Variants in SIK3 observed in about 807,000 individuals in gnomAD.
SIK3 encodes the protein SIK family kinase 3, also known as serine/threonine-protein kinase SIK3.
A neutral mutation model predicts 144.2 loss-of-function variants in SIK3; 28 were observed. The ratio of observed to expected loss-of-function variants is 0.19; its 90% CI spans 0.14 to 0.27. The LOEUF (loss-of-function observed/expected upper bound fraction) is 0.27, where lower values mean the gene tolerates loss of function less well. SIK3 is among the 10% of genes least tolerant of loss of function. The probability of loss-of-function intolerance (pLI) is 1.00; values close to 1 mark genes in which losing one functional copy is unlikely to be tolerated. For missense variants in SIK3, 1,319 were observed against 1,776.0 expected, an observed-to-expected ratio of 0.74 and a Z score of 4.62; for synonymous variants, 686 against 676.3, an observed-to-expected ratio of 1.01 and a Z score of -0.22.
intron 1 of SIK3, among the ~76,000 whole-genome samples, chr11:116,960,418 C>T (rs935104786): frequency 6.6e-6 from 1 of 152,054 alleles, no homozygotes; most frequent in Non-Finnish European, 1.5e-5. Flanking sequence ...CCCAGTTACT[C>T]AGGAAGCTGA....
chr11:116,967,503 TAACAC>T (rs1949601376), intron 1 of SIK3, among the ~76,000 whole-genome samples: 1 of 152,206 alleles, frequency 6.6e-6, no homozygotes, highest in Non-Finnish European at 1.5e-5. Flanking sequence ...CAAGGACTAA[TAACAC>T]AGTCTGCGTG....
intron 1 of SIK3, among the ~76,000 whole-genome samples, chr11:116,988,297 A>G (rs1950388945): frequency 6.6e-6 from 1 of 151,942 alleles, no homozygotes; most frequent in African/African-American, 2.4e-5. Flanking sequence ...AAGGCAGGAG[A>G]ATGGCGTGAA....
At chr11:117,090,666 T>C (rs550042102) in intron 1 of SIK3, among the ~76,000 whole-genome samples, 1 of 152,362 alleles carries the variant, frequency 6.6e-6, no homozygotes, top group East Asian at 1.9e-4. Context: ...AGACTACTTT[T>C]ACGGTCATTG....
At chr11:116,984,659 T>A (rs1243987651) in intron 1 of SIK3, among the ~76,000 whole-genome samples, 1 of 152,026 alleles carries the variant, frequency 6.6e-6, no homozygotes, top group Non-Finnish European at 1.5e-5. Flanking sequence ...CTAAGATTGA[T>A]TGTTGAGTTT....
chr11:117,051,313 C>G (rs1383705371), intron 1 of SIK3, among the ~76,000 whole-genome samples: 1 of 152,108 alleles, frequency 6.6e-6, no homozygotes, highest in South Asian at 2.1e-4. Context: ...CAGACTCCAA[C>G]TTAATTACAC....
In SIK3 at chr11:116,846,920, C is replaced by CT. The variant is rs1464855716; in HGVS notation, c.3953-368dup. Among the ~76,000 whole-genome samples, 1 of 152,254 alleles carries CT rather than the reference C, an allele frequency of 6.6e-6. No homozygotes were observed. Among genetic ancestry groups the CT allele is most frequent in the Non-Finnish European group, 1.5e-5 (1 of 68,042 alleles). On this transcript the variant is annotated intron_variant, in intron 23 of 24. Transcript: ENST00000445177. This position sits in a 1 kb window ranked among gnomAD's most constrained non-coding sequence, Gnocchi z 4.1. ...GCAGGCACCCATTCCTGGGCACTGT[C>CT]TGTCTTCCAGACACTGTGCTAAGCA...
intron 1 of SIK3, among the ~76,000 whole-genome samples, chr11:117,050,424 G>A (rs1212798082): frequency 6.6e-6 from 1 of 152,156 alleles, no homozygotes; most frequent in African/African-American, 2.4e-5. Context: ...GGTGGCTCAT[G>A]CCTGTAATCC....
At position 116,976,386 on chromosome 11, in the gene SIK3, T is replaced by C. The variant is rs186186004; in HGVS notation, c.274-19322A>G. ...ACTCTTAGAGAGTTTTGTGGTCCAC[T>C]TGAAGTTAATTTTTGCATATGGTAT... On this transcript the variant is annotated intron_variant, in intron 1 of 24. Coordinates refer to ENST00000445177, the MANE Select transcript of SIK3 (RefSeq NM_001366686.3). Among the ~76,000 whole-genome samples the C allele has an allele frequency of 5.3e-5, 8 of 152,354 alleles. No individual in the cohort carries two copies. The East Asian group carries it at 1.2e-3, about 22-fold the overall frequency.
At chr11:116,961,406 T>C (rs1031934013) in intron 1 of SIK3, among the ~76,000 whole-genome samples, 4 of 152,238 alleles carry the variant, frequency 2.6e-5, no homozygotes, top group South Asian at 2.1e-4. Context: ...ACAGGTATGA[T>C]TGTTTTGAGA....
chr11:116,893,823 C>T (rs1325686755), intron 6 of SIK3: 1 of 155,958 alleles, frequency 6.4e-6, no homozygotes, highest in Non-Finnish European at 1.5e-5. Flanking sequence ...CAGAGCAATA[C>T]TGGACCACTT....
chr11:117,041,609 G>C (rs1009872963), intron 1 of SIK3, among the ~76,000 whole-genome samples: 1 of 152,078 alleles, frequency 6.6e-6, no homozygotes, highest in Admixed American at 6.5e-5. Context: ...AGATGAGATG[G>C]GAGATGTCTT....
At chr11:116,901,498 C>T (rs949715523) in intron 4 of SIK3, among the ~76,000 whole-genome samples, 6 of 152,278 alleles carry the variant, frequency 3.9e-5, no homozygotes, top group South Asian at 2.1e-4. Context: ...ATTATAGCTT[C>T]TTCTATGAGA....
intron 3 of SIK3, among the ~76,000 whole-genome samples, chr11:116,939,080 A>G (rs573231938): frequency 1.3e-5 from 2 of 152,328 alleles, no homozygotes; most frequent in East Asian, 3.9e-4. Flanking sequence ...TTCTTTACAG[A>G]AGAAGAATAA....
chr11:116,861,480 T>G, intron 18 of SIK3, 97 bp from the exon 19 acceptor site: 1 of 900,940 alleles, frequency 1.1e-6, no homozygotes, highest in Non-Finnish European at 1.7e-6. Flanking sequence ...GAAACTATTT[T>G]TTTTTACTTT....
chr11:116,993,639 T>C (rs1329099578), intron 1 of SIK3, among the ~76,000 whole-genome samples: 1 of 151,980 alleles, frequency 6.6e-6, no homozygotes, highest in Non-Finnish European at 1.5e-5. Flanking sequence ...AAAAAACAAC[T>C]TGAGTAATGG....
intron 1 of SIK3, among the ~76,000 whole-genome samples, chr11:117,065,827 A>G (rs1408194015): frequency 6.6e-6 from 1 of 151,550 alleles, no homozygotes; most frequent in Admixed American, 6.6e-5. Context: ...ACAGGGCTTC[A>G]CTCTGTTGGC....
chr11:116,934,108 T>C (rs1156454184), intron 3 of SIK3, among the ~76,000 whole-genome samples: 2 of 152,218 alleles, frequency 1.3e-5, no homozygotes, highest in Admixed American at 1.3e-4. Flanking sequence ...ACGCACTTTA[T>C]CATTTTCTAA....
At chr11:117,007,959 C>A (rs1185121467) in intron 1 of SIK3, among the ~76,000 whole-genome samples, 1 of 151,430 alleles carries the variant, frequency 6.6e-6, no homozygotes, top group Admixed American at 6.6e-5. Flanking sequence ...TGATGTAATC[C>A]CAGCTACTCA....
intron 4 of SIK3, among the ~76,000 whole-genome samples, chr11:116,926,819 A>G (rs896092364): frequency 1.3e-5 from 2 of 152,112 alleles, no homozygotes. Flanking sequence ...TCAGGAGTTC[A>G]AGACCAGCCT....
Sources: gnomAD v4.1 joint callset for allele counts (sites outside exome capture counted in the v4.1 genomes callset) on GRCh38, gnomAD v4.1.1 for gene constraint, Gnocchi (gnomAD v3.1) non-coding constraint, MANE v1.5 for transcripts, NCBI Gene and HGNC (gene_info 2026-07-23, HGNC 2026-07-21) for gene names.